The following TOP1MT variants were observed in gnomAD, a reference collection of about 807,000 sequenced individuals.
TOP1MT encodes the protein DNA topoisomerase I, mitochondrial.
In TOP1MT, 80 loss-of-function variants were observed where a neutral mutation model predicts 73.9. The observed-to-expected ratio is 1.08, with a 90% CI of 0.90 to 1.30. The LOEUF (loss-of-function observed/expected upper bound fraction) is 1.30, where lower values mean the gene tolerates loss of function less well. Ranked by LOEUF, TOP1MT falls within the 50% of genes most tolerant of loss-of-function variation. The pLI, the probability that TOP1MT is intolerant of heterozygous loss-of-function variation, is 0.00. For missense variants in TOP1MT, 815 were observed against 808.0 expected (o/e 1.01, Z -0.10); for synonymous variants, 338 against 326.4 (o/e 1.04, Z -0.38).
At chr8:143,324,936 C>A (rs1405410530) in intron 5 of TOP1MT, among the ~76,000 whole-genome samples, 2 of 152,222 alleles carry the variant, frequency 1.3e-5, no homozygotes, top group Admixed American at 1.3e-4. Flanking sequence ...CACAGCCTGG[C>A]CACTGGGGGT....
intron 11 of TOP1MT, 27 bp downstream of exon 11, chr8:143,315,972 G>C: frequency 6.2e-7 from 1 of 1,614,026 alleles, no homozygotes; most frequent in Non-Finnish European, 8.5e-7. Context: ...TGAGGGCTGG[G>C]CTGGGGGCTC....
intron 5 of TOP1MT, 28 bp downstream of exon 5, chr8:143,325,318 C>T: frequency 1.3e-6 from 2 of 1,569,090 alleles, no homozygotes; most frequent in Non-Finnish European, 1.7e-6. Flanking sequence ...GGGTCCAGTG[C>T]CCGCCTGCTG....
chr8:143,331,368 T>C (rs755124985), intron 1 of TOP1MT, 29 bp from the exon 2 acceptor site: 1 of 1,586,214 alleles, frequency 6.3e-7, no homozygotes. Flanking sequence ...CGTGTCACTC[T>C]CCTGGGCCAG....
At position 143,315,267 on chromosome 8, in the gene TOP1MT, C is replaced by T. The variant is rs200017025; in HGVS notation, c.1553+460G>A. On this transcript the variant is annotated intron_variant, in intron 12 of 13. Transcript: ENST00000329245. ...TCCTAGTCTGCCTTCATGTTCCATC[C>T]TGTACACCTGGCTCTGCCTTCTAGA... Among the ~76,000 whole-genome samples, 203 of 152,328 alleles carry T rather than the reference C, an allele frequency of 1.3e-3. 1 individual carries two copies. In the East Asian group the frequency reaches 0.028, roughly 21 times the overall value.
At chr8:143,323,949 G>T in intron 7 of TOP1MT, 50 bp downstream of exon 7, 2 of 1,602,960 alleles carry the variant, frequency 1.2e-6, no homozygotes, top group Non-Finnish European at 8.5e-7. Flanking sequence ...GGGAGTCCTC[G>T]CCAGGAGAAC....
intron 7 of TOP1MT, among the ~76,000 whole-genome samples, chr8:143,323,153 CCA>C (rs1196810197): frequency 9.7e-5 from 6 of 61,750 alleles, no homozygotes; most frequent in Non-Finnish European, 1.5e-4. Context: ...CACAGGCACG[CCA>C]CACAGGCACG....
exon 2 of TOP1MT, chr8:143,343,222 G>C (rs1357807189): frequency 2.2e-6 from 1 of 456,230 alleles, no homozygotes; most frequent in South Asian, 1.5e-5. Flanking sequence ...ATGCCGACTT[G>C]GCCTTTTTTC....
upstream of TOP1MT, among the ~76,000 whole-genome samples, chr8:143,349,356 A>G (rs1171847244): frequency 3.0e-5 from 4 of 134,984 alleles, no homozygotes; most frequent in South Asian, 2.6e-4. Context: ...ACCTGCTGCA[A>G]CCTTACAACC....
upstream of TOP1MT, chr8:143,359,501 C>A: frequency 2.2e-6 from 2 of 911,064 alleles, no homozygotes; most frequent in Non-Finnish European, 2.6e-6. Context: ...GGTGCAGGGC[C>A]CAAGCAGAAA....
At chr8:143,335,389 C>T (rs1422015215), upstream of TOP1MT, among the ~76,000 whole-genome samples, 2 of 152,216 alleles carry the variant, frequency 1.3e-5, no homozygotes, top group Admixed American at 1.3e-4. Flanking sequence ...CCCACAGCAG[C>T]CCCTCAGAGG....
intron 1 of TOP1MT, chr8:143,355,292 C>T (rs1029993854): frequency 6.6e-6 from 1 of 152,244 alleles, no homozygotes; most frequent in African/African-American, 2.4e-5. Flanking sequence ...CTTAAAACGA[C>T]ACAATTAGCT....
In TOP1MT at chr8:143,323,721, G is replaced by A. The variant is rs967581287; in HGVS notation, c.960+278C>T. Among the ~76,000 whole-genome samples the A allele has an allele frequency of 1.0e-4, 8 of 77,746 alleles. 1 individual carries two copies. The highest frequency in any genetic ancestry group is 2.0e-4 in the Non-Finnish European group (7 of 35,042). The allele number at this position is 77,746 out of a possible 152,430, so 51.0% of individuals were successfully genotyped here. A position where few individuals can be genotyped will look rare whatever the true frequency, so the allele number is the denominator to read the frequency against. ...ACACAGGCACACCACACACATGCAC[G>A]CCACACACACATGCACGCCACACAC... On this transcript the variant is annotated intron_variant, in intron 7 of 13. Coordinates refer to ENST00000329245, the MANE Select transcript of TOP1MT (RefSeq NM_052963.3).
In TOP1MT at chr8:143,321,916, G is replaced by A. The variant is rs1349936542; in HGVS notation, c.961-530C>T. ...ACAGGCACGCCACACACACAGGCACGCCACACACATGCACGCCACACACGC... is the reference window on the plus strand; with the variant it reads ...ACAGGCACGCCACACACACAGGCACACCACACACATGCACGCCACACACGC... On this transcript the variant is annotated intron_variant, in intron 7 of 13. Transcript: ENST00000329245. Among the ~76,000 whole-genome samples, 94 of 40,936 alleles carry A rather than the reference G, an allele frequency of 2.3e-3. 1 individual carries two copies. Among genetic ancestry groups the A allele is most frequent in the Admixed American group, 3.4e-3 (7 of 2,032 alleles). The allele number at this position is 40,936 out of a possible 152,430, so 26.9% of individuals were successfully genotyped here.
chr8:143,313,273 G>A (rs1039818290), intron 12 of TOP1MT, among the ~76,000 whole-genome samples: 6 of 152,310 alleles, frequency 3.9e-5, no homozygotes, highest in Non-Finnish European at 5.9e-5. Context: ...AGATGTGGCC[G>A]GGCGCAGTTG....
chr8:143,323,022 A>ACGC (rs1563760665), intron 7 of TOP1MT, among the ~76,000 whole-genome samples: 1 of 38,316 alleles, frequency 2.6e-5, no homozygotes. Flanking sequence ...ACACACATGC[A>ACGC]CACACACACA....
At chr8:143,321,675 A>ACGCACGCCACG (rs1816385587) in intron 7 of TOP1MT, among the ~76,000 whole-genome samples, 19 of 74,976 alleles carry the variant, frequency 2.5e-4, no homozygotes, top group South Asian at 5.2e-4. Context: ...CGCACGCCAC[A>ACGCACGCCACG]CACGCACGCC....
At chr8:143,332,481 C>T (rs1309832512) in intron 1 of TOP1MT, 1 of 1,288,804 alleles carries the variant, frequency 7.8e-7, no homozygotes, top group Non-Finnish European at 1.0e-6. Context: ...CAGATCACAC[C>T]CCCACCTGCC....
intron 12 of TOP1MT, 147 bp from the exon 13 acceptor site, chr8:143,310,364 G>T: frequency 1.6e-6 from 1 of 611,832 alleles, no homozygotes; most frequent in South Asian, 3.0e-5. Context: ...CAAAAGACCA[G>T]CCGGGATCAA....
intron 12 of TOP1MT, 120 bp from the exon 13 acceptor site, chr8:143,310,337 T>C: frequency 1.4e-6 from 1 of 736,466 alleles, no homozygotes; most frequent in Non-Finnish European, 2.1e-6. Flanking sequence ...GTCATTGTCA[T>C]CAGTCATCCA....
Sources: allele counts gnomAD v4.1 joint callset (sites outside exome capture counted in the v4.1 genomes callset), GRCh38; gene constraint gnomAD v4.1.1; transcripts MANE v1.5; gene names NCBI Gene and HGNC (gene_info 2026-07-23, HGNC 2026-07-21).